The following CHST9 variants were observed in gnomAD, a reference collection of about 807,000 sequenced individuals.
CHST9 encodes the protein GalNAc-4-sulfotransferase 2.
Under a neutral mutation model 44.4 loss-of-function variants are expected in CHST9, and 41 were observed. The observed-to-expected ratio is 0.92, with a 90% CI of 0.72 to 1.20. The LOEUF is 1.20. CHST9 is among the 50% of genes most tolerant of loss of function. CHST9 has a pLI of 0.00. For synonymous variants in CHST9, 171 were observed against 178.4 expected (o/e 0.96, Z 0.33); for missense variants, 504 against 516.5 (o/e 0.98, Z 0.23).
At chr18:27,053,158 G>GAA (rs1425012356) in intron 2 of CHST9, among the ~76,000 whole-genome samples, 1 of 144,582 alleles carries the variant, frequency 6.9e-6, no homozygotes, top group East Asian at 2.0e-4. Flanking sequence ...AGAAGAAGAA[G>GAA]AAGAAGAAGA....
intron 2 of CHST9, among the ~76,000 whole-genome samples, chr18:27,119,152 C>G (rs2058353778): frequency 1.3e-5 from 2 of 152,088 alleles, no homozygotes; most frequent in Admixed American, 1.3e-4. Flanking sequence ...CACATTTCAT[C>G]TCCCCTTTGG....
intron 4 of CHST9, among the ~76,000 whole-genome samples, chr18:27,001,178 A>G (rs370954555): frequency 5.9e-5 from 9 of 152,218 alleles, no homozygotes; most frequent in East Asian, 1.9e-4. Context: ...AACATAATGT[A>G]GGAGGTGATG....
At chr18:26,966,674 C>T (rs1454351346) in intron 4 of CHST9, among the ~76,000 whole-genome samples, 6 of 152,126 alleles carry the variant, frequency 3.9e-5, no homozygotes, top group African/African-American at 7.2e-5. Context: ...ACCTTTCTGT[C>T]ATGACACAGC....
At chr18:26,944,269 C>A (rs1175862582) in intron 5 of CHST9, 60 bp downstream of exon 5, 2 of 1,257,258 alleles carry the variant, frequency 1.6e-6, no homozygotes, top group Non-Finnish European at 2.3e-6. Context: ...TATATTTACA[C>A]ATGTTTATTA....
At chr18:27,161,413 G>T (rs1346309869) in intron 1 of CHST9, among the ~76,000 whole-genome samples, 2 of 152,130 alleles carry the variant, frequency 1.3e-5, no homozygotes, top group Non-Finnish European at 2.9e-5. Flanking sequence ...CCATGTAGTT[G>T]AGCAGTTTTG....
intron 2 of CHST9, among the ~76,000 whole-genome samples, chr18:27,051,966 A>T (rs574570518): frequency 2.4e-4 from 36 of 152,290 alleles, no homozygotes; most frequent in Middle Eastern, 6.8e-3. Context: ...AAACAATTCC[A>T]TATGGTAAAG....
chr18:27,111,085 G>A (rs150037581), intron 2 of CHST9, among the ~76,000 whole-genome samples: 20 of 152,308 alleles, frequency 1.3e-4, no homozygotes, highest in South Asian at 6.2e-4. Context: ...GTCATAGAGA[G>A]GTCTACAAAG....
At chr18:26,925,843 A>G (rs554131984) in intron 5 of CHST9, 4 of 152,326 alleles carry the variant, frequency 2.6e-5, no homozygotes, top group African/African-American at 9.6e-5. Flanking sequence ...AGCAATTTCT[A>G]TATGATAAGC....
At position 26,915,486 on chromosome 18, in the gene CHST9, A is replaced by T. The variant is rs2055502739; in HGVS notation, c.*773T>A. 1 of 152,254 alleles carries T rather than the reference A, an allele frequency of 6.6e-6. No individual in the cohort carries two copies. Among genetic ancestry groups the T allele is most frequent in the Non-Finnish European group, 1.5e-5 (1 of 68,076 alleles). 9.4% of individuals were successfully genotyped at this position (152,254 alleles called of 1,614,324 possible). A position where few individuals can be genotyped will look rare whatever the true frequency, so the allele number is the denominator to read the frequency against. On this transcript the variant is annotated 3_prime_UTR_variant, in exon 6 of 6. Coordinates refer to ENST00000618847, the MANE Select transcript of CHST9 (RefSeq NM_031422.6). ...AAACCAGAATTAGGAGCACATTTAT[A>T]TCTGATGAGACTTAAGCTTCTCAAC... is the stretch of plus-strand genomic sequence containing the variant.
intron 3 of CHST9, among the ~76,000 whole-genome samples, chr18:27,030,139 T>A (rs2057325315): frequency 6.6e-6 from 1 of 152,218 alleles, no homozygotes; most frequent in African/African-American, 2.4e-5. Context: ...GTACTCAGAT[T>A]TCTATGACTT....
In CHST9 at chr18:27,051,030, T is replaced by G. The variant is rs1345245857; in HGVS notation, c.122-2527A>C. Among the ~76,000 whole-genome samples, 6 of 152,300 alleles carry G rather than the reference T, an allele frequency of 3.9e-5. No homozygotes were observed. The South Asian group carries it at 8.3e-4, about 21-fold the overall frequency. On this transcript the variant is annotated intron_variant, in intron 2 of 5. Coordinates refer to ENST00000618847, the MANE Select transcript of CHST9 (RefSeq NM_031422.6). Reference sequence around the variant, plus strand: ...TTCTCTTCTTTTGATATTCACGTCCTGTGTAATCCCACTGAATTAGATTGA... The same window carrying G: ...TTCTCTTCTTTTGATATTCACGTCCGGTGTAATCCCACTGAATTAGATTGA...
At chr18:27,162,133 G>A (rs961180037) in intron 1 of CHST9, among the ~76,000 whole-genome samples, 19 of 152,304 alleles carry the variant, frequency 1.2e-4, no homozygotes, top group Non-Finnish European at 1.2e-4. Context: ...TGTTATGTGT[G>A]AATTTGATCC....
chr18:26,953,315 C>T (rs2056276497), intron 4 of CHST9, among the ~76,000 whole-genome samples: 1 of 152,082 alleles, frequency 6.6e-6, no homozygotes, highest in African/African-American at 2.4e-5. Context: ...TGATGACTAC[C>T]CTAACTAGGG....
intron 2 of CHST9, among the ~76,000 whole-genome samples, chr18:27,054,906 T>C (rs1307528617): frequency 6.6e-6 from 1 of 152,128 alleles, no homozygotes; most frequent in Non-Finnish European, 1.5e-5. Flanking sequence ...CACACACACA[T>C]ATATACTATA....
chr18:27,143,200 G>C (rs1254676828), intron 1 of CHST9, among the ~76,000 whole-genome samples: 1 of 152,148 alleles, frequency 6.6e-6, no homozygotes, highest in Non-Finnish European at 1.5e-5. Context: ...TAAGGTTTGG[G>C]ATACCTTAAA....
At chr18:26,986,420 A>G (rs1305389043) in intron 4 of CHST9, among the ~76,000 whole-genome samples, 1 of 152,184 alleles carries the variant, frequency 6.6e-6, no homozygotes. Flanking sequence ...ATATAAAAAA[A>G]GAAAAGAGAA....
At chr18:27,137,707 G>A (rs2058527871) in intron 2 of CHST9, among the ~76,000 whole-genome samples, 1 of 152,124 alleles carries the variant, frequency 6.6e-6, no homozygotes, top group African/African-American at 2.4e-5. Context: ...GATTCAAGAG[G>A]ATCTTTGAAT....
At chr18:27,161,707 G>A (rs1031378107) in intron 1 of CHST9, among the ~76,000 whole-genome samples, 2 of 152,032 alleles carry the variant, frequency 1.3e-5, no homozygotes, top group East Asian at 1.9e-4. Flanking sequence ...TGACAGTGGG[G>A]TGTTAAAATC....
At position 26,998,523 on chromosome 18, in the gene CHST9, C is replaced by T. The variant is rs573013637; in HGVS notation, c.202+25593G>A. ...GGAGGATCACTTGAGGTCAAGAGTT[C>T]GAGAGCAGCCTGGCCAACATGGCGA... On this transcript the variant is annotated intron_variant, in intron 4 of 5. Transcript: ENST00000618847. Among the ~76,000 whole-genome samples, 13 of 152,066 alleles carry T rather than the reference C, an allele frequency of 8.5e-5. No individual in the cohort carries two copies. The East Asian group carries it at 1.9e-3, about 23-fold the overall frequency.
Sources: gnomAD v4.1 joint callset for allele counts (sites outside exome capture counted in the v4.1 genomes callset) on GRCh38, gnomAD v4.1.1 for gene constraint, MANE v1.5 for transcripts, NCBI Gene and HGNC (gene_info 2026-07-23, HGNC 2026-07-21) for gene names.